MLLT6: variants seen among roughly 807,000 people sequenced by gnomAD.
MLLT6 encodes protein AF-17.
A neutral mutation model predicts 103.0 loss-of-function variants in MLLT6; 22 were observed. The ratio of observed to expected loss-of-function variants is 0.21; its 90% CI spans 0.15 to 0.31. MLLT6 has a LOEUF of 0.31. MLLT6 is among the 10% of genes least tolerant of loss of function. The pLI is 1.00. For missense variants in MLLT6, 1,199 were observed against 1,441.7 expected, an observed-to-expected ratio of 0.83 and a Z score of 2.73; for synonymous variants, 606 against 623.5, an observed-to-expected ratio of 0.97 and a Z score of 0.42.
In MLLT6 at chr17:38,725,798, C is replaced by T. The variant is rs1480943582; in HGVS notation, c.*200C>T. On this transcript the variant is annotated 3_prime_UTR_variant, in exon 20 of 20. Transcript: ENST00000621332. ...GAGCCCCCTCCATCTGGCCCCCTTC[C>T]CTTTCCGCACTGTCCGCTTTGTGAG... The T allele has an allele frequency of 1.1e-5, 6 of 530,288 alleles. No homozygotes were observed. Among genetic ancestry groups the T allele is most frequent in the Admixed American group, 3.9e-5 (1 of 25,648 alleles). 32.8% of individuals were successfully genotyped at this position (530,288 alleles called of 1,614,324 possible).
rs1906049804 is a variant in MLLT6 at position 38,726,670 on chromosome 17, C to T, written c.*1072C>T. 1 of 233,456 alleles carries T rather than the reference C, an allele frequency of 4.3e-6. No individual in the cohort carries two copies. Among genetic ancestry groups the T allele is most frequent in the Admixed American group, 5.6e-5 (1 of 17,780 alleles). 14.5% of individuals were successfully genotyped at this position (233,456 alleles called of 1,614,324 possible). ...CCCTGACCCCACATGGTCTCAGGGC[C>T]CCCTTAGGGCCCCCTACCCCACTGA... On this transcript the variant is annotated 3_prime_UTR_variant, in exon 20 of 20. Transcript: ENST00000621332.
chr17:38,705,488 G>C lies in MLLT6; in HGVS notation c.-145G>C. 2.1e-6 allele frequency: 1 copy of C among 476,842 alleles called. No homozygotes were observed. The highest frequency in any genetic ancestry group is 3.8e-6 in the Non-Finnish European group (1 of 265,780). The allele number at this position is 476,842 out of a possible 1,614,324, so 29.5% of individuals were successfully genotyped here. A position where few individuals can be genotyped will look rare whatever the true frequency, so the allele number is the denominator to read the frequency against. Reference sequence around the variant, plus strand: ...GAGGACGCGGAGGAGGAGGAAGGAGGAGGCAAAGAAAAGAAGCGGCGGCGG... The same window carrying C: ...GAGGACGCGGAGGAGGAGGAAGGAGCAGGCAAAGAAAAGAAGCGGCGGCGG... On this transcript the variant is annotated 5_prime_UTR_variant, in exon 1 of 20. Transcript: ENST00000621332.
In MLLT6 at chr17:38,721,888, C is replaced by T; in HGVS notation, c.2453C>T (p.Ser818Leu). 1 of 1,579,716 alleles carries T rather than the reference C, an allele frequency of 6.3e-7. No homozygotes were observed. Among genetic ancestry groups the T allele is most frequent in the Non-Finnish European group, 8.5e-7 (1 of 1,169,702 alleles). Residue 818 changes from serine to leucine, a missense_variant, in exon 17 of 20, where the codon TCA becomes TTA. By Grantham distance (145) the Ser-to-Leu change is moderately radical (BLOSUM62 -2). This residue lies in a region of MLLT6 where 1,034 missense variants were observed against 1,091.5 expected (regional missense o/e 0.95). Transcript: ENST00000621332. The part of the protein sequence containing the change: ...SLSTSSEDPH[S>L]GCPSRSSSSL... Reference sequence around the variant, plus strand: ...CCCCTCCCTCCCCAGGACCCACACTCAGGCTGCCCGAGCCGCAGCAGCTCG... The same window carrying T: ...CCCCTCCCTCCCCAGGACCCACACTTAGGCTGCCCGAGCCGCAGCAGCTCG...
chr17:38,721,399 AC>A lies in MLLT6; in HGVS notation c.2443-473del, dbSNP rs560827982. Among the ~76,000 whole-genome samples, 12 of 152,224 alleles carry A rather than the reference AC, an allele frequency of 7.9e-5. No homozygotes were observed. In the East Asian group the frequency reaches 9.7e-4, roughly 12 times the overall value. On this transcript the variant is annotated intron_variant, in intron 16 of 19. Transcript: ENST00000621332. ...AGCCTATGGAATAGGTACTACTGTT[AC>A]CCCCCAGCTTACGAGTGAGTAAACT...
At chr17:38,719,450 C>A (rs1905547749) in intron 12 of MLLT6, 67 bp from the exon 13 acceptor site, 1 of 1,357,500 alleles carries the variant, frequency 7.4e-7, no homozygotes, top group South Asian at 1.2e-5. Flanking sequence ...CCATATCCAT[C>A]TGGGGGCGGG....
intron 6 of MLLT6, among the ~76,000 whole-genome samples, chr17:38,710,694 A>T (rs2143672022): frequency 6.6e-6 from 1 of 152,186 alleles, no homozygotes; most frequent in East Asian, 1.9e-4. Flanking sequence ...CAAGGGGTAC[A>T]GCTGGCTTCT....
At chr17:38,710,670 G>A (rs1196772674) in intron 6 of MLLT6, among the ~76,000 whole-genome samples, 3 of 151,398 alleles carry the variant, frequency 2.0e-5, no homozygotes, top group Non-Finnish European at 4.4e-5. Context: ...TGAATACCTG[G>A]GGGGTGCCAT....
chr17:38,706,787 G>C lies in MLLT6; in HGVS notation c.110-163G>C, dbSNP rs7226104. 149 of 494,940 alleles carry C rather than the reference G, an allele frequency of 3.0e-4. No homozygotes were observed. In the South Asian group the frequency reaches 4.9e-3, roughly 16 times the overall value. 30.7% of individuals were successfully genotyped at this position (494,940 alleles called of 1,614,324 possible). A position where few individuals can be genotyped will look rare whatever the true frequency, so the allele number is the denominator to read the frequency against. On this transcript the variant is annotated intron_variant, in intron 1 of 19. Coordinates refer to ENST00000621332, the MANE Select transcript of MLLT6 (RefSeq NM_005937.4). ...GTGTGGTTGAAGGCTGGTGTTGGGC[G>C]GTTGGGCAGTCCTGCTGTAGAGTGA...
chr17:38,717,940 G>A lies in MLLT6; in HGVS notation c.1929G>A (p.Glu643=). ...TTAATCCCCTCCTCTCCCAAGCTGA[G>A]AGCAGCCACACAGGTATGTGAATAT... ...GAVNPLLSQA[E]SSHTEPDLED... The change falls in exon 12 of 20, where the codon GAG becomes GAA. Residue 643 remains glutamate (E), a synonymous_variant. Transcript: ENST00000621332. 6.2e-7 allele frequency: 1 copy of A among 1,609,208 alleles called. No individual in the cohort carries two copies. Among genetic ancestry groups the A allele is most frequent in the Non-Finnish European group, 8.5e-7 (1 of 1,175,758 alleles).
rs1906094036 is a variant in MLLT6, at chr17:38,727,313, G to A, written c.*1715G>A. 4.3e-6 allele frequency: 1 copy of A among 231,428 alleles called. No homozygotes were observed. Among genetic ancestry groups the A allele is most frequent in the African/African-American group, 2.2e-5 (1 of 44,912 alleles). 14.3% of individuals were successfully genotyped at this position (231,428 alleles called of 1,614,324 possible). A position where few individuals can be genotyped will look rare whatever the true frequency, so the allele number is the denominator to read the frequency against. ...GATGTTAGGGAGCTGATAATGGAGGGGGGTGGGAATCCTTCAAAGGCAATT... is the reference window on the plus strand; with the variant it reads ...GATGTTAGGGAGCTGATAATGGAGGAGGGTGGGAATCCTTCAAAGGCAATT... On this transcript the variant is annotated 3_prime_UTR_variant, in exon 20 of 20. Transcript: ENST00000621332.
chr17:38,719,411 G>A (rs1905546251), intron 12 of MLLT6, 106 bp from the exon 13 acceptor site: 2 of 1,030,682 alleles, frequency 1.9e-6, no homozygotes, highest in Non-Finnish European at 2.9e-6. Flanking sequence ...GGATTCCTGG[G>A]GAAAGGGATC....
rs777188360 is a variant in MLLT6, at chr17:38,705,597, C to A, written c.-36C>A. The A allele has an allele frequency of 3.8e-6, 4 of 1,051,918 alleles. No homozygotes were observed. Among genetic ancestry groups the A allele is most frequent in the Admixed American group, 5.1e-5 (2 of 39,206 alleles). 65.2% of individuals were successfully genotyped at this position (1,051,918 alleles called of 1,614,324 possible). A position where few individuals can be genotyped will look rare whatever the true frequency, so the allele number is the denominator to read the frequency against. On this transcript the variant is annotated 5_prime_UTR_variant, in exon 1 of 20. Transcript: ENST00000621332. ...CTGACCCCCGACCCCCGCCGGCCGG[C>A]CCCCCGCCCCAGCCCCGGAGGGAGC...
rs1011023949 is a variant in MLLT6, at chr17:38,724,577, C to A, written c.2884-43C>A. 3.4e-6 allele frequency: 5 copies of A among 1,485,672 alleles called. No individual in the cohort carries two copies. The South Asian group carries it at 3.9e-5, about 12-fold the overall frequency. The allele number at this position is 1,485,672 out of a possible 1,614,324, so 92.0% of individuals were successfully genotyped here. A position where few individuals can be genotyped will look rare whatever the true frequency, so the allele number is the denominator to read the frequency against. On this transcript the variant is annotated intron_variant, in intron 18 of 19. Transcript: ENST00000621332. This position sits in a 1 kb window ranked among gnomAD's most constrained non-coding sequence, Gnocchi z 5.4. ...GGGCAGGCAGGCAGCAGGGAAGAGACCCCCGGGACTGTTGGCCAACAAGCG... is the reference window on the plus strand; with the variant it reads ...GGGCAGGCAGGCAGCAGGGAAGAGAACCCCGGGACTGTTGGCCAACAAGCG...
At chr17:38,725,452 G>A (rs1257252734) in intron 19 of MLLT6, 105 bp from the exon 20 acceptor site, 24 of 1,074,594 alleles carry the variant, frequency 2.2e-5, no homozygotes, top group African/African-American at 6.4e-5. Context: ...CATTGGCCCC[G>A]TTTCAGTACC....
chr17:38,720,819 C>T, intron 16 of MLLT6, 72 bp downstream of exon 16: 1 of 1,357,686 alleles, frequency 7.4e-7, no homozygotes. Flanking sequence ...CTCTTCCCCG[C>T]AGCTATTGGA....
intron 7 of MLLT6, 70 bp from the exon 8 acceptor site, chr17:38,712,621 C>A: frequency 3.0e-6 from 3 of 1,011,898 alleles, no homozygotes; most frequent in Non-Finnish European, 4.7e-6. Context: ...GCTCCCCATA[C>A]CCACATGTCA....
chr17:38,720,318 T>TG, intron 14 of MLLT6, 54 bp from the exon 15 acceptor site: 4 of 65,204 alleles, frequency 6.1e-5, no homozygotes, highest in Non-Finnish European at 1.1e-4. Flanking sequence ...CCCGGTCCCC[T>TG]GGCCCCGCCT....
At chr17:38,712,574 A>G (rs912565302) in intron 7 of MLLT6, 117 bp from the exon 8 acceptor site, 8 of 695,280 alleles carry the variant, frequency 1.2e-5, no homozygotes, top group African/African-American at 5.3e-5. Flanking sequence ...TCAGGGAGAG[A>G]TGGTGCCCAC....
intron 8 of MLLT6, chr17:38,714,524 G>A (rs1215306190): frequency 6.6e-6 from 1 of 152,266 alleles, no homozygotes; most frequent in East Asian, 1.9e-4. Context: ...GATCACCTGA[G>A]GTCAGGGGTT....
Sources: allele counts gnomAD v4.1 joint callset (sites outside exome capture counted in the v4.1 genomes callset), GRCh38; gene constraint gnomAD v4.1.1; regional missense constraint gnomAD v4.1.1; non-coding constraint Gnocchi (gnomAD v3.1); transcripts MANE v1.5; gene names NCBI Gene and HGNC (gene_info 2026-07-23, HGNC 2026-07-21).